Variants in OSBP2 observed in about 807,000 individuals in gnomAD.
The protein encoded by OSBP2 is oxysterol binding protein 2.
A neutral mutation model predicts 96.0 loss-of-function variants in OSBP2; 66 were observed. That is an observed-to-expected ratio of 0.69 (90% confidence interval 0.56 to 0.84). The LOEUF is 0.84. Ranked by LOEUF, OSBP2 falls within the 40% of genes least tolerant of loss-of-function variation. The pLI, the probability that OSBP2 is intolerant of heterozygous loss-of-function variation, is 0.00. For missense variants in OSBP2, 1,038 were observed against 1,222.7 expected, an observed-to-expected ratio of 0.85 and a Z score of 2.25; for synonymous variants, 525 against 520.9, an observed-to-expected ratio of 1.01 and a Z score of -0.11.
intron 2 of OSBP2, among the ~76,000 whole-genome samples, chr22:30,768,950 GC>G: frequency 6.6e-6 from 1 of 152,344 alleles, no homozygotes; most frequent in East Asian, 1.9e-4. Flanking sequence ...GAGGTGGAGG[GC>G]CCCGGGGTCC....
intron 1 of OSBP2, among the ~76,000 whole-genome samples, chr22:30,734,958 A>G (rs1392337898): frequency 6.6e-6 from 1 of 152,238 alleles, no homozygotes; most frequent in African/African-American, 2.4e-5. Flanking sequence ...TGGAAAGCCA[A>G]GGTGGGAGGA....
chr22:30,900,086 C>T (rs1239381288), intron 12 of OSBP2, among the ~76,000 whole-genome samples: 1 of 152,028 alleles, frequency 6.6e-6, no homozygotes, highest in Non-Finnish European at 1.5e-5. Flanking sequence ...TGGAGAAACC[C>T]CATCTCTACT....
intron 12 of OSBP2, among the ~76,000 whole-genome samples, chr22:30,904,595 A>AATATATATATATATAT (rs531519651): frequency 1.0e-4 from 15 of 149,824 alleles, no homozygotes; most frequent in African/African-American, 3.7e-4. Flanking sequence ...ACATAATTAA[A>AATATATATATATATAT]ATATATATAT....
chr22:30,828,364 G>A (rs534132733), intron 2 of OSBP2, among the ~76,000 whole-genome samples: 4 of 152,304 alleles, frequency 2.6e-5, no homozygotes, highest in African/African-American at 9.6e-5. Context: ...GCCCAGAGGG[G>A]CTGGGAGTAG....
At chr22:30,704,921 G>A (rs2089227823) in intron 1 of OSBP2, among the ~76,000 whole-genome samples, 1 of 152,204 alleles carries the variant, frequency 6.6e-6, no homozygotes, top group African/African-American at 2.4e-5. Context: ...GGCCTGCTGT[G>A]TGAACTCTTT....
At chr22:30,897,078 A>G (rs2040083535) in intron 12 of OSBP2, among the ~76,000 whole-genome samples, 1 of 152,268 alleles carries the variant, frequency 6.6e-6, no homozygotes, top group African/African-American at 2.4e-5. Flanking sequence ...AGCTATATTA[A>G]TATCAGGTAA....
intron 1 of OSBP2, among the ~76,000 whole-genome samples, chr22:30,711,119 T>A (rs1036900044): frequency 3.3e-5 from 5 of 152,082 alleles, no homozygotes; most frequent in Non-Finnish European, 7.3e-5. Flanking sequence ...TGGGAAATAG[T>A]GTTTGAAGAT....
chr22:30,732,689 A>G (rs1256499161), intron 1 of OSBP2, among the ~76,000 whole-genome samples: 1 of 152,050 alleles, frequency 6.6e-6, no homozygotes, highest in African/African-American at 2.4e-5. Context: ...GAGCAGGGCC[A>G]CTCCTGGACC....
intron 2 of OSBP2, among the ~76,000 whole-genome samples, chr22:30,859,673 G>A (rs577967024): frequency 2.6e-5 from 4 of 152,344 alleles, no homozygotes; most frequent in Admixed American, 6.5e-5. Context: ...CTATAACCAG[G>A]TGTAATATGG....
At chr22:30,834,090 C>T (rs1013763571) in intron 2 of OSBP2, among the ~76,000 whole-genome samples, 26 of 152,130 alleles carry the variant, frequency 1.7e-4, no homozygotes, top group African/African-American at 6.3e-4. Context: ...TGCTCTGCTG[C>T]CCACGCTGGG....
At chr22:30,906,095 C>T (rs777372825) in intron 13 of OSBP2, 26 bp downstream of exon 13, 7 of 1,112,700 alleles carry the variant, frequency 6.3e-6, no homozygotes, top group South Asian at 2.5e-5. Context: ...AAGGGCGCCC[C>T]GGAGGGGAGG....
chr22:30,895,288 A>C (rs1345400872), intron 12 of OSBP2, among the ~76,000 whole-genome samples: 1 of 152,190 alleles, frequency 6.6e-6, no homozygotes, highest in East Asian at 1.9e-4. Flanking sequence ...ACAAAGAGGG[A>C]GATAAAATGA....
Position 30,695,573 on chromosome 22 carries a change from G to A in OSBP2, c.644+20G>A. The A allele has an allele frequency of 1.9e-6, 3 of 1,589,758 alleles. No homozygotes were observed. The highest frequency in any genetic ancestry group is 1.7e-6 in the Non-Finnish European group (2 of 1,172,822). ...CTACAGGTATGGAAGCGCCAGGGTG[G>A]GACATGGGGGTTGGAGGGTGGTGAT... On this transcript the variant is annotated intron_variant, in intron 1 of 13. Transcript: ENST00000332585.
chr22:30,758,598 A>G (rs966836196), intron 2 of OSBP2, among the ~76,000 whole-genome samples: 4 of 152,030 alleles, frequency 2.6e-5, no homozygotes, highest in Admixed American at 6.6e-5. Context: ...AGACAGAGAA[A>G]ACTCCTGGAG....
chr22:30,869,829 C>T (rs553360982), intron 2 of OSBP2, among the ~76,000 whole-genome samples: 4 of 152,216 alleles, frequency 2.6e-5, no homozygotes, highest in East Asian at 3.9e-4. Context: ...CTGGTGGGGG[C>T]AGATATGAGA....
chr22:30,745,052 T>C (rs2089981129), intron 2 of OSBP2, among the ~76,000 whole-genome samples: 1 of 152,144 alleles, frequency 6.6e-6, no homozygotes, highest in Non-Finnish European at 1.5e-5. Flanking sequence ...TTAAACAACA[T>C]ACTCTTAAAC....
At chr22:30,716,558 C>A (rs1465018852) in intron 1 of OSBP2, among the ~76,000 whole-genome samples, 1 of 152,030 alleles carries the variant, frequency 6.6e-6, no homozygotes, top group African/African-American at 2.4e-5. Flanking sequence ...CTGCCTCAGC[C>A]TTCTGAGTAG....
intron 2 of OSBP2, among the ~76,000 whole-genome samples, chr22:30,790,704 T>A (rs2090662847): frequency 6.6e-6 from 1 of 152,070 alleles, no homozygotes; most frequent in African/African-American, 2.4e-5. Flanking sequence ...AAGGAAATTT[T>A]TTTGATATGT....
chr22:30,766,535 G>T (rs2090272275), intron 2 of OSBP2, among the ~76,000 whole-genome samples: 1 of 152,156 alleles, frequency 6.6e-6, no homozygotes, highest in African/African-American at 2.4e-5. Context: ...AGGCATTCAG[G>T]CCTGGAGCCC....
Sources: gnomAD v4.1 joint callset for allele counts (sites outside exome capture counted in the v4.1 genomes callset) on GRCh38, gnomAD v4.1.1 for gene constraint, MANE v1.5 for transcripts, NCBI Gene and HGNC (gene_info 2026-07-23, HGNC 2026-07-21) for gene names.